The following ZDHHC18 variants were observed in gnomAD, a reference collection of about 807,000 sequenced individuals.
The protein encoded by ZDHHC18 is zDHHC palmitoyltransferase 18, also known as palmitoyltransferase ZDHHC18.
Under a neutral mutation model 37.5 loss-of-function variants are expected in ZDHHC18, and 23 were observed. The observed-to-expected ratio is 0.61, with a 90% CI of 0.44 to 0.87. The LOEUF is 0.87. ZDHHC18 is among the 40% of genes least tolerant of loss of function. The pLI is 0.00. For missense variants in ZDHHC18, 406 were observed against 525.6 expected, an observed-to-expected ratio of 0.77 and a Z score of 2.22; for synonymous variants, 185 against 218.7, an observed-to-expected ratio of 0.85 and a Z score of 1.36.
chr1:26,852,704 A>T, intron 6 of ZDHHC18, 49 bp from the exon 7 acceptor site: 1 of 1,552,056 alleles, frequency 6.4e-7, no homozygotes, highest in Non-Finnish European at 8.9e-7. Context: ...CCTCCTAGAA[A>T]AGTGAAGCAA....
At chr1:26,832,707 T>G (rs1165889919) in intron 2 of ZDHHC18, 100 bp downstream of exon 2, 5 of 1,448,438 alleles carry the variant, frequency 3.5e-6, no homozygotes, top group South Asian at 1.3e-5. Context: ...TACTAGGAAC[T>G]GGGGATGCAG....
In ZDHHC18 at chr1:26,848,768, G is replaced by A. The variant is rs1428422145; in HGVS notation, c.646+11G>A. 10 of 1,604,688 alleles carry A rather than the reference G, an allele frequency of 6.2e-6. No individual in the cohort carries two copies. The highest frequency in any genetic ancestry group is 1.3e-5 in the African/African-American group (1 of 74,774). On this transcript the variant is annotated intron_variant, in intron 3 of 7. Coordinates refer to ENST00000374142, the MANE Select transcript of ZDHHC18 (RefSeq NM_032283.3). ...GCGACAACTGTGTGGGTGAGTAGGA[G>A]GCAGCAGGGAGGGATGCAGGGATTC... is the stretch of plus-strand genomic sequence containing the variant.
At position 26,857,030 on chromosome 1, in the gene ZDHHC18, G is replaced by A. The variant is rs910976240; in HGVS notation, c.*3187G>A. ...CTGTGTGCTCTCTAGGACCCCCATAGGGGGCAGGGGCTGGCCTCTTTGCCC... is the reference window on the plus strand; with the variant it reads ...CTGTGTGCTCTCTAGGACCCCCATAAGGGGCAGGGGCTGGCCTCTTTGCCC... On this transcript the variant is annotated 3_prime_UTR_variant, in exon 8 of 8. Coordinates refer to ENST00000374142, the MANE Select transcript of ZDHHC18 (RefSeq NM_032283.3). The A allele has an allele frequency of 3.9e-5, 6 of 152,614 alleles. No individual in the cohort carries two copies. Among genetic ancestry groups the A allele is most frequent in the African/African-American group, 1.4e-4 (6 of 41,466 alleles). The allele number at this position is 152,614 out of a possible 1,614,324, so 9.5% of individuals were successfully genotyped here. A position where few individuals can be genotyped will look rare whatever the true frequency, so the allele number is the denominator to read the frequency against.
At chr1:26,827,361 C>T (rs1002017870) in intron 1 of ZDHHC18, among the ~76,000 whole-genome samples, 9 of 150,242 alleles carry the variant, frequency 6.0e-5, no homozygotes, top group African/African-American at 2.2e-4. Context: ...GTACCCCATC[C>T]GCGCTGGTGC....
intron 1 of ZDHHC18, 24 bp from the exon 2 acceptor site, chr1:26,832,423 A>C: frequency 6.2e-7 from 1 of 1,613,288 alleles, no homozygotes; most frequent in Non-Finnish European, 8.5e-7. Context: ...GTGTCTGCTG[A>C]TCTCTCTCCA....
At chr1:26,836,252 T>C (rs1557641356) in intron 2 of ZDHHC18, among the ~76,000 whole-genome samples, 1 of 152,170 alleles carries the variant, frequency 6.6e-6, no homozygotes, top group African/African-American at 2.4e-5. Context: ...TCCACTGCCA[T>C]ACACCAGCTC....
intron 2 of ZDHHC18, among the ~76,000 whole-genome samples, chr1:26,838,090 G>A (rs576232007): frequency 6.3e-4 from 95 of 149,724 alleles, no homozygotes; most frequent in South Asian, 1.3e-3. Context: ...TCTGCCTCTC[G>A]GGTTCAAGCG....
chr1:26,851,764 A>G (rs2081705883), intron 6 of ZDHHC18, among the ~76,000 whole-genome samples: 1 of 152,166 alleles, frequency 6.6e-6, no homozygotes, highest in Non-Finnish European at 1.5e-5. Flanking sequence ...ACTATTCTCA[A>G]GGTGGCACTG....
At position 26,850,982 on chromosome 1, in the gene ZDHHC18, C is replaced by A; in HGVS notation, c.834-147C>A. ...CCGAGGGGCCCAGGAGGTGATCCTG[C>A]TAAGAAGTGGGGACTGGGCCACAGG... On this transcript the variant is annotated intron_variant, in intron 5 of 7. Transcript: ENST00000374142. The surrounding 1 kb of genome is among the most constrained non-coding windows in gnomAD (Gnocchi z 6.1). 1.3e-6 allele frequency: 1 copy of A among 747,416 alleles called. No individual in the cohort carries two copies. 46.3% of individuals were successfully genotyped at this position (747,416 alleles called of 1,614,324 possible).
intron 2 of ZDHHC18, among the ~76,000 whole-genome samples, chr1:26,843,767 G>A (rs1424645667): frequency 6.6e-6 from 1 of 151,598 alleles, no homozygotes; most frequent in Non-Finnish European, 1.5e-5. Flanking sequence ...TCCAGCCTGG[G>A]CAACAGAGCA....
chr1:26,844,074 C>T (rs1323282129), intron 2 of ZDHHC18, among the ~76,000 whole-genome samples: 1 of 152,182 alleles, frequency 6.6e-6, no homozygotes, highest in Admixed American at 6.5e-5. Context: ...GAGTCTCGCT[C>T]TGTCACCCAG....
chr1:26,834,446 G>A (rs1360731782), intron 2 of ZDHHC18, among the ~76,000 whole-genome samples: 2 of 152,186 alleles, frequency 1.3e-5, no homozygotes, highest in Non-Finnish European at 2.9e-5. Flanking sequence ...TCTCTTCTGA[G>A]ATGGCAGCAG....
intron 2 of ZDHHC18, among the ~76,000 whole-genome samples, chr1:26,837,842 A>G (rs2081620467): frequency 6.6e-6 from 1 of 151,946 alleles, no homozygotes; most frequent in Non-Finnish European, 1.5e-5. Flanking sequence ...TACCCCAGCC[A>G]CTGCTCTTCT....
rs775948327 is a variant in ZDHHC18, at chr1:26,850,459, G to T, written c.784+21G>T. On this transcript the variant is annotated intron_variant, in intron 4 of 7. Coordinates refer to ENST00000374142, the MANE Select transcript of ZDHHC18 (RefSeq NM_032283.3). The surrounding 1 kb of genome is among the most constrained non-coding windows in gnomAD (Gnocchi z 6.1). The stretch of plus-strand genomic sequence containing the variant: ...GTTGCGTGAGTTGTGGGTGAGGGCA[G>T]TGGGGAGTGGAAGGGGTCAGCCAGC... 1 of 1,614,268 alleles carries T rather than the reference G, an allele frequency of 6.2e-7. No homozygotes were observed. The highest frequency in any genetic ancestry group is 1.1e-5 in the South Asian group (1 of 91,090).
In ZDHHC18 at chr1:26,854,087, C is replaced by G; in HGVS notation, c.*244C>G. ...TGATCAGTGCCAGGAGAGACCAGAG[C>G]CTCTGGAGGCTACCCAGGGGACCAC... On this transcript the variant is annotated 3_prime_UTR_variant, in exon 8 of 8. Coordinates refer to ENST00000374142, the MANE Select transcript of ZDHHC18 (RefSeq NM_032283.3). The surrounding 1 kb of genome is among the most constrained non-coding windows in gnomAD (Gnocchi z 4.6). The G allele has an allele frequency of 2.0e-6, 1 of 496,974 alleles. No homozygotes were observed. Among genetic ancestry groups the G allele is most frequent in the Non-Finnish European group, 3.6e-6 (1 of 274,190 alleles). The allele number at this position is 496,974 out of a possible 1,614,324, so 30.8% of individuals were successfully genotyped here. A position where few individuals can be genotyped will look rare whatever the true frequency, so the allele number is the denominator to read the frequency against.
chr1:26,855,918 C>T lies in ZDHHC18; in HGVS notation c.*2075C>T. 8.2e-6 allele frequency: 2 copies of T among 243,324 alleles called. No individual in the cohort carries two copies. Among genetic ancestry groups the T allele is most frequent in the South Asian group, 8.0e-5 (2 of 25,080 alleles). 15.1% of individuals were successfully genotyped at this position (243,324 alleles called of 1,614,324 possible). A position where few individuals can be genotyped will look rare whatever the true frequency, so the allele number is the denominator to read the frequency against. On this transcript the variant is annotated 3_prime_UTR_variant, in exon 8 of 8. Coordinates refer to ENST00000374142, the MANE Select transcript of ZDHHC18 (RefSeq NM_032283.3). ...AAGAGCAGAGAGGGCTGCGGCTGAGCCCCCATGGGCACGTGAAAAGAGGCC... is the reference window on the plus strand; with the variant it reads ...AAGAGCAGAGAGGGCTGCGGCTGAGTCCCCATGGGCACGTGAAAAGAGGCC...
At chr1:26,849,897 C>T (rs985695636) in intron 3 of ZDHHC18, among the ~76,000 whole-genome samples, 2 of 152,140 alleles carry the variant, frequency 1.3e-5, no homozygotes, top group African/African-American at 4.8e-5. Context: ...CCCCCCTCGC[C>T]CATGGAGCTT....
At position 26,827,152 on chromosome 1, in the gene ZDHHC18, G is replaced by T; in HGVS notation, c.335+13G>T. On this transcript the variant is annotated intron_variant, in intron 1 of 7. Transcript: ENST00000374142. ...TCTTCGTCTTTGAGTGAGTTCCGCTGCCTCGGCGCCCCCTCCCAGCCCCCT... is the reference window on the plus strand; with the variant it reads ...TCTTCGTCTTTGAGTGAGTTCCGCTTCCTCGGCGCCCCCTCCCAGCCCCCT... The T allele has an allele frequency of 7.2e-7, 1 of 1,381,710 alleles. No homozygotes were observed. The highest frequency in any genetic ancestry group is 3.3e-5 in the Admixed American group (1 of 30,516). 85.6% of individuals were successfully genotyped at this position (1,381,710 alleles called of 1,614,324 possible). A position where few individuals can be genotyped will look rare whatever the true frequency, so the allele number is the denominator to read the frequency against.
rs1412321412 is a variant in ZDHHC18 at position 26,850,007 on chromosome 1, CA to C, written c.647-293del. Reference sequence around the variant, plus strand: ...AAAAGAGAAGTGATGGGGCAGATAACAGGGGCCCCCTCCCCTAGTCTGGGAT... The same window carrying C: ...AAAAGAGAAGTGATGGGGCAGATAACGGGGCCCCCTCCCCTAGTCTGGGAT... On this transcript the variant is annotated intron_variant, in intron 3 of 7. Transcript: ENST00000374142. This position sits in a 1 kb window ranked among gnomAD's most constrained non-coding sequence, Gnocchi z 6.1. 6.6e-6 allele frequency among the ~76,000 whole-genome samples: 1 copy of C among 152,214 alleles called. No individual in the cohort carries two copies. The highest frequency in any genetic ancestry group is 1.5e-5 in the Non-Finnish European group (1 of 68,042).
Sources: allele counts gnomAD v4.1 joint callset (sites outside exome capture counted in the v4.1 genomes callset), GRCh38; gene constraint gnomAD v4.1.1; non-coding constraint Gnocchi (gnomAD v3.1); transcripts MANE v1.5; gene names NCBI Gene and HGNC (gene_info 2026-07-23, HGNC 2026-07-21).